The following APOBEC3A variants were observed in gnomAD, a reference collection of about 807,000 sequenced individuals.
APOBEC3A encodes DNA dC->dU-editing enzyme APOBEC-3A.
Under a neutral mutation model 23.0 loss-of-function variants are expected in APOBEC3A, and 13 were observed. The ratio of observed to expected loss-of-function variants is 0.57; its 90% CI spans 0.37 to 0.90. APOBEC3A has a LOEUF of 0.90. Ranked by LOEUF, APOBEC3A falls within the 40% of genes least tolerant of loss-of-function variation. The probability of loss-of-function intolerance (pLI) is 0.01; values close to 1 mark genes in which losing one functional copy is unlikely to be tolerated. For synonymous variants in APOBEC3A, 74 were observed against 101.3 expected (o/e 0.73, Z 1.62); for missense variants, 179 against 264.9 (o/e 0.68, Z 2.25).
chr22:38,960,036 A>C (rs1922806655), intron 2 of APOBEC3A, among the ~76,000 whole-genome samples: 1 of 152,150 alleles, frequency 6.6e-6, no homozygotes, highest in Non-Finnish European at 1.5e-5. Flanking sequence ...CCTGGGCTTC[A>C]TCCTGCACGG....
At chr22:38,960,779 T>C (rs142410894) in intron 2 of APOBEC3A, among the ~76,000 whole-genome samples, 2,464 of 152,114 alleles carry the variant, frequency 0.016, 69 homozygotes, top group African/African-American at 0.057. Context: ...GGGCCACAGA[T>C]GGGATGGGAG....
At position 38,961,812 on chromosome 22, in the gene APOBEC3A, G is replaced by A. The variant is rs1427124686; in HGVS notation, c.469+131G>A. 1.7e-5 allele frequency: 21 copies of A among 1,212,000 alleles called. 1 individual carries two copies. In the African/African-American group the frequency reaches 3.0e-4, roughly 17 times the overall value. 75.1% of individuals were successfully genotyped at this position (1,212,000 alleles called of 1,614,324 possible). On this transcript the variant is annotated intron_variant, in intron 3 of 4. Transcript: ENST00000249116. ...GACTCTGGGACCTGACTTTGGGGTC[G>A]ATGGGAAGAGAGAGGCCAGGCCAGG...
chr22:38,958,769 CTCTTTCTTTCTTTCTT>C (rs55894125), intron 1 of APOBEC3A, among the ~76,000 whole-genome samples: 2 of 109,446 alleles, frequency 1.8e-5, no homozygotes, highest in Non-Finnish European at 3.6e-5. Flanking sequence ...ATCTCTCTTT[CTCTTTCTTTCTTTCTT>C]TCTTTCTTTC....
chr22:38,959,460 G>T, intron 1 of APOBEC3A, 82 bp from the exon 2 acceptor site: 1 of 1,525,496 alleles, frequency 6.6e-7, no homozygotes, highest in Non-Finnish European at 9.0e-7. Context: ...GGGTGCAAGG[G>T]AGGAAGTGTG....
At chr22:38,962,238 G>C in intron 4 of APOBEC3A, 25 bp downstream of exon 4, 1 of 1,613,654 alleles carries the variant, frequency 6.2e-7, no homozygotes, top group South Asian at 1.1e-5. Context: ...CCTCTGCCCG[G>C]TGCCCCATCG....
intron 1 of APOBEC3A, among the ~76,000 whole-genome samples, chr22:38,958,110 C>T (rs946924408): frequency 3.3e-5 from 5 of 152,210 alleles, no homozygotes; most frequent in Non-Finnish European, 2.9e-5. Context: ...AGTGTCATCT[C>T]GTTCTCCCTA....
intron 3 of APOBEC3A, among the ~76,000 whole-genome samples, 168 bp downstream of exon 3, chr22:38,961,849 C>T (rs1922907588): frequency 6.6e-6 from 1 of 151,854 alleles, no homozygotes; most frequent in South Asian, 2.1e-4. Context: ...GATGTGGGCC[C>T]AGGGAGGGCA....
rs1299483498 is a variant in APOBEC3A at position 38,961,681 on chromosome 22, G to A, written c.469G>A (p.Glu157Lys). ...CCAAGTCTCCATCATGACCTACGAT[G>A]GTAAGAATGGAAGGTTCAGGTGGGG... Reference protein sequence around the residue: ...GAQVSIMTYDEFKHCWDTFVD... With the variant: ...GAQVSIMTYDKFKHCWDTFVD... Residue 157 changes from glutamate to lysine, a missense_variant and splice_region_variant, in exon 3 of 5, where the codon GAA (glutamate) becomes AAA (lysine). Glu to Lys is a moderately conservative substitution (Grantham distance 56). Around this residue, in one of 5 missense-constraint regions of APOBEC3A, gnomAD observed 8 missense variants for 35.2 expected, o/e 0.23. Coordinates refer to ENST00000249116, the MANE Select transcript of APOBEC3A (RefSeq NM_145699.4). The A allele has an allele frequency of 1.1e-6, 1 of 939,554 alleles. No homozygotes were observed. Among genetic ancestry groups the A allele is most frequent in the East Asian group, 3.7e-5 (1 of 27,098 alleles). 58.2% of individuals were successfully genotyped at this position (939,554 alleles called of 1,614,324 possible).
At chr22:38,960,395 C>T (rs1922826801) in intron 2 of APOBEC3A, among the ~76,000 whole-genome samples, 3 of 152,176 alleles carry the variant, frequency 2.0e-5, no homozygotes, top group Non-Finnish European at 4.4e-5. Flanking sequence ...CAGTGGGACT[C>T]CCCCAGGAAC....
At position 38,961,689 on chromosome 22, in the gene APOBEC3A, T is replaced by A; in HGVS notation, c.469+8T>A. 1 of 1,204,786 alleles carries A rather than the reference T, an allele frequency of 8.3e-7. No individual in the cohort carries two copies. The highest frequency in any genetic ancestry group is 1.2e-6 in the Non-Finnish European group (1 of 863,276). The allele number at this position is 1,204,786 out of a possible 1,614,324, so 74.6% of individuals were successfully genotyped here. A position where few individuals can be genotyped will look rare whatever the true frequency, so the allele number is the denominator to read the frequency against. On this transcript the variant is annotated splice_region_variant and intron_variant, in intron 3 of 4. Coordinates refer to ENST00000249116, the MANE Select transcript of APOBEC3A (RefSeq NM_145699.4). ...CCATCATGACCTACGATGGTAAGAA[T>A]GGAAGGTTCAGGTGGGGTGGGGTGG...
chr22:38,958,668 TTC>T (rs1417506150), intron 1 of APOBEC3A, among the ~76,000 whole-genome samples: 2 of 149,958 alleles, frequency 1.3e-5, no homozygotes, highest in Non-Finnish European at 3.0e-5. Context: ...CTTTCCTTCT[TTC>T]TTTCTTTTCC....
At chr22:38,960,750 T>C (rs1222327532) in intron 2 of APOBEC3A, among the ~76,000 whole-genome samples, 3 of 152,152 alleles carry the variant, frequency 2.0e-5, no homozygotes, top group Non-Finnish European at 4.4e-5. Context: ...TGGCACAGAA[T>C]AGAAGCTTCT....
chr22:38,961,702 T>C, intron 3 of APOBEC3A, 21 bp downstream of exon 3: 2 of 173,800 alleles, frequency 1.2e-5, no homozygotes, highest in Non-Finnish European at 2.4e-5. Flanking sequence ...AAGGTTCAGG[T>C]GGGGTGGGGT....
At chr22:38,958,310 C>T (rs1210149798) in intron 1 of APOBEC3A, among the ~76,000 whole-genome samples, 5 of 150,512 alleles carry the variant, frequency 3.3e-5, no homozygotes, top group Admixed American at 3.3e-4. Context: ...TCCTTCCTTC[C>T]TTCAATTCTC....
chr22:38,960,827 TG>T (rs1302066370), intron 2 of APOBEC3A, among the ~76,000 whole-genome samples: 1 of 151,886 alleles, frequency 6.6e-6, no homozygotes, highest in Admixed American at 6.6e-5. Context: ...AATCTCCCCT[TG>T]AAGGAAGCAC....
intron 2 of APOBEC3A, among the ~76,000 whole-genome samples, chr22:38,960,493 T>C (rs1480326425): frequency 6.6e-6 from 1 of 152,194 alleles, no homozygotes; most frequent in Non-Finnish European, 1.5e-5. Flanking sequence ...TTTGTCCCCA[T>C]CACAATCACA....
At chr22:38,960,662 G>T (rs1922839540) in intron 2 of APOBEC3A, among the ~76,000 whole-genome samples, 1 of 152,182 alleles carries the variant, frequency 6.6e-6, no homozygotes, top group Non-Finnish European at 1.5e-5. Context: ...GAGTCCTGCT[G>T]GTCTTCTCTT....
At position 38,957,707 on chromosome 22, in the gene APOBEC3A, G is replaced by A. The variant is rs554278400; in HGVS notation, c.16G>A (p.Ala6Thr). 496 of 1,612,708 alleles carry A rather than the reference G, an allele frequency of 3.1e-4. 2 individuals are homozygous for A. The South Asian group carries it at 5.1e-3, about 17-fold the overall frequency. ...GGACAAGCACATGGAAGCCAGCCCA[G>A]CATCCGGGCCCAGGTATGGGAAGCC... Reference protein sequence around the residue: MEASPASGPRHLMDPH... With the variant: MEASPTSGPRHLMDPH... Residue 6 changes from alanine (A) to threonine (T), a missense_variant, in exon 1 of 5, where the codon GCA (alanine) becomes ACA (threonine). Coordinates refer to ENST00000249116, the MANE Select transcript of APOBEC3A (RefSeq NM_145699.4).
At chr22:38,959,417 TA>T in intron 1 of APOBEC3A, 124 bp from the exon 2 acceptor site, 1 of 1,160,448 alleles carries the variant, frequency 8.6e-7, no homozygotes, top group Non-Finnish European at 1.2e-6. Flanking sequence ...GGAAGTGTGC[TA>T]AGGGATGTGC....
Sources: gnomAD v4.1 joint callset for allele counts (sites outside exome capture counted in the v4.1 genomes callset) on GRCh38, gnomAD v4.1.1 for gene constraint, gnomAD v4.1.1 regional missense constraint, MANE v1.5 for transcripts, NCBI Gene and HGNC (gene_info 2026-07-23, HGNC 2026-07-21) for gene names.